PAX7: variants seen among roughly 807,000 people sequenced by gnomAD.
The protein encoded by PAX7 is paired box protein Pax-7.
PAX7 carries 18 observed loss-of-function variants against 50.7 expected under a neutral mutation model. That is an observed-to-expected ratio of 0.36 (90% CI 0.25 to 0.53). The LOEUF is 0.53. Among genes scored for constraint, PAX7 ranks in the 20% least tolerant of loss-of-function variants. The probability of loss-of-function intolerance (pLI) is 0.93; values close to 1 mark genes in which losing one functional copy is unlikely to be tolerated. For synonymous variants in PAX7, 310 were observed against 290.4 expected (o/e 1.07, Z -0.69); for missense variants, 644 against 702.9 (o/e 0.92, Z 0.95).
intron 8 of PAX7, chr1:18,736,191 G>T: frequency 1.7e-6 from 1 of 588,708 alleles, no homozygotes; most frequent in Non-Finnish European, 3.0e-6. Flanking sequence ...CAGGCCAGGC[G>T]TGGTGGCTCA....
intron 5 of PAX7, 32 bp downstream of exon 5, chr1:18,691,985 G>C: frequency 6.3e-7 from 1 of 1,592,212 alleles, no homozygotes; most frequent in African/African-American, 1.3e-5. Context: ...CGGTGCTGCA[G>C]ATATACTCCA....
At chr1:18,736,401 G>A (rs923914164) in intron 8 of PAX7, among the ~76,000 whole-genome samples, 6 of 147,672 alleles carry the variant, frequency 4.1e-5, no homozygotes, top group Non-Finnish European at 8.9e-5. Context: ...GGAAGCGGAG[G>A]TTGCAGTGAG....
intron 7 of PAX7, among the ~76,000 whole-genome samples, chr1:18,717,387 C>T (rs1196467904): frequency 6.6e-6 from 1 of 152,220 alleles, no homozygotes; most frequent in African/African-American, 2.4e-5. Flanking sequence ...CGGGAGCGCC[C>T]CGTTCCCCAC....
intron 7 of PAX7, among the ~76,000 whole-genome samples, chr1:18,717,527 T>C (rs2089443348): frequency 6.6e-6 from 1 of 152,184 alleles, no homozygotes; most frequent in Non-Finnish European, 1.5e-5. Context: ...CAGAGGTTGT[T>C]TGCTCCAGAA....
chr1:18,641,425 C>A (rs1435183909), intron 4 of PAX7, among the ~76,000 whole-genome samples: 1 of 152,072 alleles, frequency 6.6e-6, no homozygotes, highest in African/African-American at 2.4e-5. Context: ...CTCCCCAGGG[C>A]GCGCAAGAAA....
chr1:18,732,568 A>G (rs573461056), intron 7 of PAX7, among the ~76,000 whole-genome samples: 1 of 152,372 alleles, frequency 6.6e-6, no homozygotes, highest in East Asian at 1.9e-4. Flanking sequence ...TTCAAGAAAT[A>G]CCACATTGTT....
chr1:18,739,525 C>A (rs936155666), intron 8 of PAX7, among the ~76,000 whole-genome samples: 16 of 152,222 alleles, frequency 1.1e-4, no homozygotes, highest in African/African-American at 3.6e-4. Flanking sequence ...ATGCAGTACA[C>A]GTGGTTATTC....
chr1:18,639,821 A>G lies in PAX7; in HGVS notation c.586+3450A>G, dbSNP rs187635217. Among the ~76,000 whole-genome samples, 3 of 152,242 alleles carry G rather than the reference A, an allele frequency of 2.0e-5. No homozygotes were observed. The East Asian group carries it at 5.8e-4, about 29-fold the overall frequency. ...AACACCAAAGCCGCATGCATCTGAC[A>G]GTGCACCAGTTTAAGCCAAAACTGA... On this transcript the variant is annotated intron_variant, in intron 4 of 8. Transcript: ENST00000420770.
intron 4 of PAX7, among the ~76,000 whole-genome samples, chr1:18,690,760 T>C (rs946525208): frequency 6.6e-6 from 1 of 152,198 alleles, no homozygotes; most frequent in African/African-American, 2.4e-5. Context: ...TTGACCAAGG[T>C]CATTCAGGTG....
intron 4 of PAX7, among the ~76,000 whole-genome samples, chr1:18,664,955 G>A (rs146464575): frequency 1.3e-5 from 2 of 152,290 alleles, no homozygotes; most frequent in East Asian, 3.9e-4. Flanking sequence ...TGGCAGTGTA[G>A]TGTGGTGGCT....
intron 4 of PAX7, among the ~76,000 whole-genome samples, chr1:18,648,489 G>A (rs886131818): frequency 5.3e-5 from 8 of 151,820 alleles, no homozygotes; most frequent in African/African-American, 1.7e-4. Flanking sequence ...CTACAGGCAC[G>A]CACCACCACA....
chr1:18,641,637 T>A lies in PAX7; in HGVS notation c.586+5266T>A, dbSNP rs184726192. On this transcript the variant is annotated intron_variant, in intron 4 of 8. Coordinates refer to ENST00000420770, the MANE Select transcript of PAX7 (RefSeq NM_001135254.2). Reference sequence around the variant, plus strand: ...TGCACGGCGCAGCGGTTAAAGGAATTAGATATTTACCAGTTTGAAATAAGC... The same window carrying A: ...TGCACGGCGCAGCGGTTAAAGGAATAAGATATTTACCAGTTTGAAATAAGC... 5.1e-3 allele frequency among the ~76,000 whole-genome samples: 776 copies of A among 152,166 alleles called. 14 individuals are homozygous for A. The highest frequency in any genetic ancestry group is 4.6e-3 in the Non-Finnish European group (310 of 68,004).
At chr1:18,644,276 A>G (rs569080027) in intron 4 of PAX7, among the ~76,000 whole-genome samples, 2 of 152,254 alleles carry the variant, frequency 1.3e-5, no homozygotes, top group Admixed American at 1.3e-4. Flanking sequence ...GAGCAATCTG[A>G]GAGGGGCAAA....
chr1:18,643,185 C>A (rs1221772339), intron 4 of PAX7, among the ~76,000 whole-genome samples: 1 of 152,162 alleles, frequency 6.6e-6, no homozygotes, highest in Non-Finnish European at 1.5e-5. Flanking sequence ...GTTTGGCAGC[C>A]GAGCTGAGCG....
At chr1:18,716,057 A>C (rs1198059587) in intron 7 of PAX7, among the ~76,000 whole-genome samples, 1 of 148,048 alleles carries the variant, frequency 6.8e-6, no homozygotes, top group African/African-American at 2.5e-5. Context: ...AACCTTCCCC[A>C]CCGGCCCTTC....
At chr1:18,643,406 G>A (rs2100440204) in intron 4 of PAX7, among the ~76,000 whole-genome samples, 1 of 152,368 alleles carries the variant, frequency 6.6e-6, no homozygotes, top group East Asian at 1.9e-4. Flanking sequence ...CAGAGGAGGA[G>A]AGAGCTAGAA....
chr1:18,731,269 A>G (rs1283964468), intron 7 of PAX7, among the ~76,000 whole-genome samples: 2 of 152,104 alleles, frequency 1.3e-5, no homozygotes, highest in African/African-American at 2.4e-5. Flanking sequence ...GCCAAGAGGG[A>G]GCCCTAAAGG....
chr1:18,673,489 A>T (rs138557328), intron 4 of PAX7, among the ~76,000 whole-genome samples: 13 of 152,172 alleles, frequency 8.5e-5, no homozygotes, highest in African/African-American at 3.1e-4. Flanking sequence ...GTTTAATGTA[A>T]CTAACCTATG....
chr1:18,673,779 C>T (rs1296953016), intron 4 of PAX7, among the ~76,000 whole-genome samples: 1 of 152,138 alleles, frequency 6.6e-6, no homozygotes. Flanking sequence ...AGGGATTCCA[C>T]GGGCAAGGGA....
Sources: gnomAD v4.1 joint callset for allele counts (sites outside exome capture counted in the v4.1 genomes callset) on GRCh38, gnomAD v4.1.1 for gene constraint, MANE v1.5 for transcripts, NCBI Gene and HGNC (gene_info 2026-07-23, HGNC 2026-07-21) for gene names.